The following CNTNAP2 variants were observed in gnomAD, a reference collection of about 807,000 sequenced individuals.
CNTNAP2 encodes the protein contactin-associated protein-like 2.
Under a neutral mutation model 155.2 loss-of-function variants are expected in CNTNAP2, and 98 were observed. The observed-to-expected ratio is 0.63, with a 90% confidence interval of 0.54 to 0.75. CNTNAP2 has a LOEUF of 0.75. Among genes scored for constraint, CNTNAP2 ranks in the 30% least tolerant of loss-of-function variants. The pLI, the probability that CNTNAP2 is intolerant of heterozygous loss-of-function variation, is 0.00. For synonymous variants in CNTNAP2, 651 were observed against 631.2 expected (o/e 1.03, Z -0.47); for missense variants, 1,727 against 1,688.1 (o/e 1.02, Z -0.40).
chr7:147,534,827 C>T (rs929769748), intron 11 of CNTNAP2, among the ~76,000 whole-genome samples: 2 of 152,112 alleles, frequency 1.3e-5, no homozygotes, highest in Non-Finnish European at 2.9e-5. Context: ...ATGCCTCTCC[C>T]TGACTTCTCG....
intron 1 of CNTNAP2, among the ~76,000 whole-genome samples, chr7:146,471,341 T>G (rs962284582): frequency 1.3e-5 from 2 of 152,226 alleles, no homozygotes; most frequent in Non-Finnish European, 2.9e-5. Flanking sequence ...TTTGATAGCT[T>G]CAAGTTCTCC....
chr7:146,317,432 G>A (rs2129091772), intron 1 of CNTNAP2, among the ~76,000 whole-genome samples: 1 of 152,254 alleles, frequency 6.6e-6, no homozygotes, highest in African/African-American at 2.4e-5. Context: ...TGTTGTACCT[G>A]AGAGTGTTTT....
At chr7:147,153,271 A>G (rs1166418823) in intron 8 of CNTNAP2, among the ~76,000 whole-genome samples, 2 of 152,148 alleles carry the variant, frequency 1.3e-5, no homozygotes, top group African/African-American at 4.8e-5. Flanking sequence ...TGAACTATAG[A>G]GAGCTTAAAC....
At chr7:146,931,447 G>A (rs1796755981) in intron 3 of CNTNAP2, among the ~76,000 whole-genome samples, 1 of 148,586 alleles carries the variant, frequency 6.7e-6, no homozygotes, top group Non-Finnish European at 1.5e-5. Context: ...GTGTGTAGAG[G>A]GAAATTTATA....
chr7:146,160,523 A>G (rs1318031669), intron 1 of CNTNAP2, among the ~76,000 whole-genome samples: 1 of 152,226 alleles, frequency 6.6e-6, no homozygotes, highest in African/African-American at 2.4e-5. Flanking sequence ...TAATGGGGAT[A>G]TCATTGATCT....
chr7:146,380,789 T>TTTTTTC (rs1398633195), intron 1 of CNTNAP2, among the ~76,000 whole-genome samples: 1 of 80,360 alleles, frequency 1.2e-5, no homozygotes, highest in African/African-American at 1.1e-4. Context: ...ACGTTCTTTT[T>TTTTTTC]TTTTTTTTTT....
intron 9 of CNTNAP2, among the ~76,000 whole-genome samples, chr7:147,341,403 G>A (rs1795760476): frequency 6.6e-6 from 1 of 150,904 alleles, no homozygotes; most frequent in Non-Finnish European, 1.5e-5. Context: ...AAACCTGCAT[G>A]TTCTACACAT....
intron 10 of CNTNAP2, among the ~76,000 whole-genome samples, chr7:147,465,770 A>T (rs1392492660): frequency 6.6e-6 from 1 of 152,136 alleles, no homozygotes; most frequent in Non-Finnish European, 1.5e-5. Flanking sequence ...GTCATGGGAG[A>T]CTTAATTCAG....
chr7:147,719,300 A>G (rs1357109961), intron 13 of CNTNAP2, among the ~76,000 whole-genome samples: 1 of 152,116 alleles, frequency 6.6e-6, no homozygotes, highest in Non-Finnish European at 1.5e-5. Context: ...CTCACATTCG[A>G]TACAACTGCT....
At chr7:147,208,271 C>G (rs1008847162) in intron 8 of CNTNAP2, among the ~76,000 whole-genome samples, 6 of 152,002 alleles carry the variant, frequency 3.9e-5, no homozygotes, top group Admixed American at 2.6e-4. Flanking sequence ...TCTATTAGTT[C>G]TGTTTTGCCT....
chr7:146,177,158 T>C (rs191662494), intron 1 of CNTNAP2, among the ~76,000 whole-genome samples: 1 of 152,378 alleles, frequency 6.6e-6, no homozygotes, highest in Admixed American at 6.5e-5. Context: ...AAATTTTGAA[T>C]GACTCTAATG....
chr7:146,318,935 G>A (rs1800954608), intron 1 of CNTNAP2, among the ~76,000 whole-genome samples: 1 of 152,078 alleles, frequency 6.6e-6, no homozygotes, highest in Admixed American at 6.5e-5. Flanking sequence ...CCGATTGACA[G>A]CCAAAACAGT....
intron 1 of CNTNAP2, among the ~76,000 whole-genome samples, chr7:146,117,776 A>G (rs1387403216): frequency 1.3e-5 from 2 of 152,090 alleles, no homozygotes; most frequent in African/African-American, 2.4e-5. Context: ...ATTCTGGCCC[A>G]TTTTCTGCAT....
At chr7:147,176,874 TATA>T (rs1458517152) in intron 8 of CNTNAP2, among the ~76,000 whole-genome samples, 2 of 125,638 alleles carry the variant, frequency 1.6e-5, no homozygotes, top group Admixed American at 1.8e-4. Flanking sequence ...ATAGAATAAT[TATA>T]ATATATAATT....
At chr7:147,044,422 T>C (rs140380266) in intron 4 of CNTNAP2, among the ~76,000 whole-genome samples, 165 of 152,268 alleles carry the variant, frequency 1.1e-3, no homozygotes, top group African/African-American at 3.8e-3. Flanking sequence ...ATCTATGTAT[T>C]TGGGTCTTTA....
rs143836778 is a variant in CNTNAP2, at chr7:146,197,638, A to G, written c.97+80665A>G. 3.2e-4 allele frequency among the ~76,000 whole-genome samples: 49 copies of G among 152,322 alleles called. No individual in the cohort carries two copies. In the East Asian group the frequency reaches 9.5e-3, roughly 29 times the overall value. ...TATAACTTTAAGCCAATATTTAATCATTCAATTGTTCTTCAAAATATTAAT... is the reference window on the plus strand; with the variant it reads ...TATAACTTTAAGCCAATATTTAATCGTTCAATTGTTCTTCAAAATATTAAT... On this transcript the variant is annotated intron_variant, in intron 1 of 23. Transcript: ENST00000361727.
intron 14 of CNTNAP2, among the ~76,000 whole-genome samples, chr7:147,910,458 C>A (rs1800041508): frequency 6.6e-6 from 1 of 152,150 alleles, no homozygotes; most frequent in Non-Finnish European, 1.5e-5. Context: ...AGCAGTAGAG[C>A]AGAGATTCAA....
chr7:147,409,444 C>T, intron 10 of CNTNAP2, among the ~76,000 whole-genome samples: 1 of 152,034 alleles, frequency 6.6e-6, no homozygotes, highest in East Asian at 1.9e-4. Context: ...AAACTATAAA[C>T]ACTTTGCAAT....
intron 12 of CNTNAP2, among the ~76,000 whole-genome samples, chr7:147,590,330 A>G (rs10248888): frequency 0.68 from 104,087 of 151,980 alleles, 36,120 homozygotes; most frequent in African/African-American, 0.78. Flanking sequence ...ATCCCAATGC[A>G]TCAAGGGCGG....
Sources: allele counts gnomAD v4.1 joint callset (sites outside exome capture counted in the v4.1 genomes callset), GRCh38; gene constraint gnomAD v4.1.1; transcripts MANE v1.5; gene names NCBI Gene and HGNC (gene_info 2026-07-23, HGNC 2026-07-21).